The following IQGAP2 variants were observed in gnomAD, a reference collection of about 807,000 sequenced individuals.
IQGAP2 encodes the protein IQ motif containing GTPase activating protein 2.
A neutral mutation model predicts 201.3 loss-of-function variants in IQGAP2; 173 were observed. That is an observed-to-expected ratio of 0.86 (90% CI 0.76 to 0.98). The LOEUF is 0.98. Ranked by LOEUF, IQGAP2 falls within the 50% of genes least tolerant of loss-of-function variation. The probability of loss-of-function intolerance (pLI) is 0.00; values close to 1 mark genes in which losing one functional copy is unlikely to be tolerated. For synonymous variants in IQGAP2, 675 were observed against 673.9 expected (o/e 1.00, Z -0.03); for missense variants, 1,687 against 1,864.8 (o/e 0.90, Z 1.76).
At chr5:76,653,998 G>A (rs1024715821) in intron 18 of IQGAP2, among the ~76,000 whole-genome samples, 10 of 152,150 alleles carry the variant, frequency 6.6e-5, no homozygotes, top group African/African-American at 9.7e-5. Flanking sequence ...CATGTAAAGC[G>A]TTTTGAACCC....
chr5:76,611,719 G>A (rs1157821578), intron 13 of IQGAP2, among the ~76,000 whole-genome samples: 1 of 152,228 alleles, frequency 6.6e-6, no homozygotes, highest in African/African-American at 2.4e-5. Context: ...AGAAGTTGGT[G>A]TGGAGGTAGA....
At chr5:76,685,779 T>C (rs1016235699) in intron 30 of IQGAP2, among the ~76,000 whole-genome samples, 3 of 152,238 alleles carry the variant, frequency 2.0e-5, no homozygotes, top group Non-Finnish European at 4.4e-5. Context: ...TTATTTTTTA[T>C]TGTGGTAAAA....
chr5:76,511,089 T>G (rs1318734699), intron 2 of IQGAP2, among the ~76,000 whole-genome samples: 1 of 152,238 alleles, frequency 6.6e-6, no homozygotes, highest in East Asian at 1.9e-4. Flanking sequence ...AGGATCCTAC[T>G]GCATTTTTGT....
chr5:76,610,076 C>A (rs868432651), intron 12 of IQGAP2, among the ~76,000 whole-genome samples: 2 of 18,700 alleles, frequency 1.1e-4, no homozygotes, highest in African/African-American at 1.8e-4. Flanking sequence ...CTCTCTCTCT[C>A]TATATATATA....
At chr5:76,475,633 A>G (rs548500200) in intron 2 of IQGAP2, among the ~76,000 whole-genome samples, 1 of 152,290 alleles carries the variant, frequency 6.6e-6, no homozygotes, top group Admixed American at 6.5e-5. Flanking sequence ...CATACAGGTT[A>G]ATCTCTGTTC....
At chr5:76,552,750 G>GCC in intron 2 of IQGAP2, among the ~76,000 whole-genome samples, 1 of 152,208 alleles carries the variant, frequency 6.6e-6, no homozygotes, top group Middle Eastern at 3.4e-3. Context: ...TAGCATCTGA[G>GCC]ACAACGTTCT....
chr5:76,436,390 C>T (rs574354068), intron 1 of IQGAP2, among the ~76,000 whole-genome samples: 20 of 142,008 alleles, frequency 1.4e-4, no homozygotes, highest in South Asian at 4.5e-4. Context: ...GAGATATATC[C>T]CTTCTATGCC....
intron 2 of IQGAP2, among the ~76,000 whole-genome samples, chr5:76,529,210 C>T (rs1380497196): frequency 6.6e-6 from 1 of 152,170 alleles, no homozygotes; most frequent in East Asian, 1.9e-4. Flanking sequence ...TCTTGAGCTG[C>T]TTTCACCAAT....
intron 13 of IQGAP2, chr5:76,623,111 C>G: frequency 6.4e-7 from 1 of 1,554,478 alleles, no homozygotes; most frequent in Non-Finnish European, 8.9e-7. Flanking sequence ...TCAGTTGACT[C>G]TTAATTTGTA....
chr5:76,540,291 A>AT (rs1742675631), intron 2 of IQGAP2, among the ~76,000 whole-genome samples: 5 of 152,222 alleles, frequency 3.3e-5, no homozygotes, highest in African/African-American at 1.2e-4. Flanking sequence ...TATTAAGTAG[A>AT]TACAAGAAAG....
intron 2 of IQGAP2, among the ~76,000 whole-genome samples, chr5:76,519,757 A>G (rs1197401340): frequency 6.6e-6 from 1 of 152,044 alleles, no homozygotes; most frequent in Non-Finnish European, 1.5e-5. Context: ...AGTGTAGTTT[A>G]TTGTTTTGCA....
At chr5:76,464,398 C>T (rs973319947) in intron 2 of IQGAP2, among the ~76,000 whole-genome samples, 7 of 152,198 alleles carry the variant, frequency 4.6e-5, no homozygotes, top group Admixed American at 1.3e-4. Flanking sequence ...TTATAATGCA[C>T]ATATGTGTGT....
At chr5:76,604,204 T>G (rs1316360842) in intron 11 of IQGAP2, among the ~76,000 whole-genome samples, 2 of 152,134 alleles carry the variant, frequency 1.3e-5, no homozygotes, top group African/African-American at 4.8e-5. Flanking sequence ...ATTGTTCAAC[T>G]CCTACTTATG....
chr5:76,488,860 G>T (rs1438373817), intron 2 of IQGAP2, among the ~76,000 whole-genome samples: 3 of 152,178 alleles, frequency 2.0e-5, no homozygotes, highest in Non-Finnish European at 2.9e-5. Context: ...GGGAAGGACA[G>T]ATGGGAGCTA....
chr5:76,558,946 G>C, intron 2 of IQGAP2, among the ~76,000 whole-genome samples: 1 of 152,026 alleles, frequency 6.6e-6, no homozygotes, highest in Middle Eastern at 3.2e-3. Flanking sequence ...TGTCGCCCAG[G>C]CTGGAGTGCA....
chr5:76,536,065 C>CTTTTTTTTTT (rs545584812), intron 2 of IQGAP2, among the ~76,000 whole-genome samples: 4 of 123,722 alleles, frequency 3.2e-5, no homozygotes, highest in Admixed American at 9.1e-5. Context: ...GGAGCATATT[C>CTTTTTTTTTT]TTTTTTTTTT....
chr5:76,488,388 G>T (rs1479276361), intron 2 of IQGAP2, among the ~76,000 whole-genome samples: 2 of 151,920 alleles, frequency 1.3e-5, no homozygotes, highest in Non-Finnish European at 2.9e-5. Flanking sequence ...AAAAATTATT[G>T]GTTGTTTTTT....
At chr5:76,655,198 C>G (rs1040054985) in intron 20 of IQGAP2, among the ~76,000 whole-genome samples, 195 bp downstream of exon 20, 1 of 152,012 alleles carries the variant, frequency 6.6e-6, no homozygotes, top group African/African-American at 2.4e-5. Context: ...AATGGGCCTT[C>G]CTATTAAATG....
chr5:76,539,457 G>A (rs1242166039), intron 2 of IQGAP2, among the ~76,000 whole-genome samples: 1 of 152,176 alleles, frequency 6.6e-6, no homozygotes, highest in Non-Finnish European at 1.5e-5. Flanking sequence ...TGCCAGCCTG[G>A]AAGGGAGCGG....
Sources: gnomAD v4.1 joint callset for allele counts (sites outside exome capture counted in the v4.1 genomes callset) on GRCh38, gnomAD v4.1.1 for gene constraint, MANE v1.5 for transcripts, NCBI Gene and HGNC (gene_info 2026-07-23, HGNC 2026-07-21) for gene names.